The following CCDC186 variants were observed in gnomAD, a reference collection of about 807,000 sequenced individuals.
CCDC186 encodes coiled-coil domain-containing protein 186.
A neutral mutation model predicts 113.7 loss-of-function variants in CCDC186; 49 were observed. The ratio of observed to expected loss-of-function variants is 0.43; its 90% confidence interval spans 0.34 to 0.55. The LOEUF is 0.55. Ranked by LOEUF, CCDC186 falls within the 20% of genes least tolerant of loss-of-function variation. The pLI is 0.02. For missense variants in CCDC186, 890 were observed against 1,011.1 expected, an observed-to-expected ratio of 0.88 and a Z score of 1.62; for synonymous variants, 355 against 345.8, an observed-to-expected ratio of 1.03 and a Z score of -0.30.
intron 2 of CCDC186, chr10:114,162,087 G>C (rs2032184543): frequency 6.6e-6 from 1 of 152,184 alleles, no homozygotes; most frequent in Admixed American, 6.5e-5. Context: ...AAAAAGTTCT[G>C]CAGATTGGTT....
intron 1 of CCDC186, among the ~76,000 whole-genome samples, chr10:114,169,586 T>C (rs571304020): frequency 1.4e-4 from 21 of 152,282 alleles, no homozygotes; most frequent in Admixed American, 1.0e-3. Flanking sequence ...TCTCAAGTAA[T>C]ATCCATTAAG....
chr10:114,125,847 A>G (rs1214355959), intron 15 of CCDC186, 39 bp downstream of exon 15: 2 of 1,554,714 alleles, frequency 1.3e-6, no homozygotes, highest in Non-Finnish European at 8.9e-7. Context: ...TCATTTTGCC[A>G]TGTTTACTGG....
At chr10:114,134,257 G>T (rs2031186497) in intron 10 of CCDC186, among the ~76,000 whole-genome samples, 1 of 152,212 alleles carries the variant, frequency 6.6e-6, no homozygotes, top group Non-Finnish European at 1.5e-5. Context: ...GAAGTGTGAA[G>T]AAAATGGTAG....
chr10:114,157,210 G>C (rs2032036697), intron 3 of CCDC186, among the ~76,000 whole-genome samples: 1 of 142,850 alleles, frequency 7.0e-6, no homozygotes, highest in Non-Finnish European at 1.5e-5. Flanking sequence ...TTGAGACAAG[G>C]TCTCACTCTC....
intron 2 of CCDC186, among the ~76,000 whole-genome samples, chr10:114,159,640 C>CA (rs34339225): frequency 0.067 from 3,662 of 54,268 alleles, 144 homozygotes; most frequent in Non-Finnish European, 0.094. Flanking sequence ...GACTCCGTCT[C>CA]AAAAAAAAAA....
chr10:114,156,444 CA>C (rs1398468361), intron 3 of CCDC186, among the ~76,000 whole-genome samples: 7 of 152,134 alleles, frequency 4.6e-5, no homozygotes, highest in African/African-American at 1.7e-4. Context: ...AGAAAGAGGC[CA>C]GGGGCAGTGG....
intron 6 of CCDC186, among the ~76,000 whole-genome samples, chr10:114,140,341 GCTAA>G (rs1386324299): frequency 1.3e-5 from 2 of 152,210 alleles, no homozygotes; most frequent in African/African-American, 4.8e-5. Context: ...GACTGGATAT[GCTAA>G]CTGAGAAATT....
At chr10:114,167,527 T>C (rs931432203) in intron 1 of CCDC186, among the ~76,000 whole-genome samples, 16 of 151,958 alleles carry the variant, frequency 1.1e-4, no homozygotes, top group Non-Finnish European at 1.0e-4. Flanking sequence ...ACAAGCCAAT[T>C]TGGTTGCTGT....
At chr10:114,172,759 A>G (rs977333551) in intron 1 of CCDC186, among the ~76,000 whole-genome samples, 4 of 152,240 alleles carry the variant, frequency 2.6e-5, no homozygotes, top group African/African-American at 9.6e-5. Context: ...AATAAAAGAG[A>G]AAAATGAACC....
At chr10:114,132,217 A>G in intron 10 of CCDC186, 33 bp from the exon 11 acceptor site, 5 of 1,422,778 alleles carry the variant, frequency 3.5e-6, no homozygotes, top group Non-Finnish European at 4.7e-6. Context: ...AAGAAAAAAT[A>G]AACCATTAAA....
intron 1 of CCDC186, among the ~76,000 whole-genome samples, chr10:114,169,322 G>A (rs1455415563): frequency 7.2e-6 from 1 of 138,560 alleles, no homozygotes. Flanking sequence ...TTAGCTCACT[G>A]CAACCTCTGC....
intron 1 of CCDC186, among the ~76,000 whole-genome samples, chr10:114,165,677 G>A (rs763585214): frequency 2.0e-5 from 3 of 151,936 alleles, no homozygotes; most frequent in Non-Finnish European, 4.4e-5. Context: ...GCGACGGAGC[G>A]AGACTCTGTC....
rs192311600 is a variant in CCDC186, at chr10:114,135,437, T to C, written c.1513-382A>G. On this transcript the variant is annotated intron_variant, in intron 9 of 15. Coordinates refer to ENST00000369287, the MANE Select transcript of CCDC186 (RefSeq NM_018017.4). ...AATGAATGATACACATTCATATTCA[T>C]ATTAGAAGACATACTAATCTTACAA... Among the ~76,000 whole-genome samples, 210 of 152,352 alleles carry C rather than the reference T, an allele frequency of 1.4e-3. 1 individual carries two copies. Among genetic ancestry groups the C allele is most frequent in the Non-Finnish European group, 2.0e-3 (138 of 68,020 alleles).
At chr10:114,141,533 TTGAC>T (rs1413508165) in intron 6 of CCDC186, among the ~76,000 whole-genome samples, 1 of 152,116 alleles carries the variant, frequency 6.6e-6, no homozygotes, top group Non-Finnish European at 1.5e-5. Context: ...TCATTTCTCT[TTGAC>T]TGATGGAAAC....
intron 6 of CCDC186, among the ~76,000 whole-genome samples, chr10:114,140,869 ACTAATT>A (rs2031445770): frequency 6.6e-6 from 1 of 151,608 alleles, no homozygotes; most frequent in Non-Finnish European, 1.5e-5. Context: ...CTCATTGTCT[ACTAATT>A]CTATTATTTA....
chr10:114,168,913 G>C (rs372202117), intron 1 of CCDC186, among the ~76,000 whole-genome samples: 2 of 152,256 alleles, frequency 1.3e-5, no homozygotes, highest in East Asian at 3.9e-4. Context: ...TCATGCAAAG[G>C]TACTAAGAGA....
chr10:114,144,419 C>CA (rs1455305194), intron 6 of CCDC186, 78 bp downstream of exon 6: 40 of 1,499,754 alleles, frequency 2.7e-5, no homozygotes, highest in Non-Finnish European at 3.6e-5. Context: ...GAGACTCCGT[C>CA]TCAAAAAAAA....
intron 10 of CCDC186, 38 bp downstream of exon 10, chr10:114,134,875 T>C (rs2031204572): frequency 3.2e-6 from 5 of 1,557,104 alleles, no homozygotes; most frequent in Non-Finnish European, 4.3e-6. Flanking sequence ...ATTTAAAAGC[T>C]TGCTTATTAA....
At chr10:114,171,596 T>C (rs947862933) in intron 1 of CCDC186, among the ~76,000 whole-genome samples, 1 of 152,136 alleles carries the variant, frequency 6.6e-6, no homozygotes, top group African/African-American at 2.4e-5. Context: ...AAAAAATTTT[T>C]TTTCAAGTTA....
Sources: allele counts gnomAD v4.1 joint callset (sites outside exome capture counted in the v4.1 genomes callset), GRCh38; gene constraint gnomAD v4.1.1; transcripts MANE v1.5; gene names NCBI Gene and HGNC (gene_info 2026-07-23, HGNC 2026-07-21).